Variants in CSMD1 observed in about 807,000 individuals in gnomAD.
CSMD1 encodes the protein CUB and sushi domain-containing protein 1.
CSMD1 carries 213 observed loss-of-function variants against 417.5 expected under a neutral mutation model. That is an observed-to-expected ratio of 0.51 (90% confidence interval 0.46 to 0.57). CSMD1 has a LOEUF of 0.57. Ranked by LOEUF, CSMD1 falls within the 20% of genes least tolerant of loss-of-function variation. The pLI is 0.00. For missense variants in CSMD1, 6,923 were observed against 4,529.7 expected (o/e 1.53, Z -15.17); for synonymous variants, 2,862 against 1,736.8 (o/e 1.65, Z -16.11).
intron 2 of CSMD1, among the ~76,000 whole-genome samples, chr8:4,505,418 A>G (rs1802467230): frequency 6.6e-6 from 1 of 152,186 alleles, no homozygotes; most frequent in African/African-American, 2.4e-5. Flanking sequence ...AATCAATAAA[A>G]CTTTGAAACA....
chr8:3,305,377 C>T (rs1361635066), intron 25 of CSMD1, among the ~76,000 whole-genome samples: 1 of 152,046 alleles, frequency 6.6e-6, no homozygotes, highest in African/African-American at 2.4e-5. Context: ...TCCACCAAAA[C>T]TCATGTTGAA....
intron 5 of CSMD1, among the ~76,000 whole-genome samples, chr8:3,946,024 C>A (rs1353600027): frequency 3.3e-5 from 5 of 152,096 alleles, no homozygotes; most frequent in Non-Finnish European, 7.4e-5. Flanking sequence ...TCATAACATT[C>A]TACGATGTAG....
At chr8:3,924,145 A>G (rs1192973889) in intron 5 of CSMD1, among the ~76,000 whole-genome samples, 1 of 152,204 alleles carries the variant, frequency 6.6e-6, no homozygotes, top group Non-Finnish European at 1.5e-5. Context: ...TTTATGAAGG[A>G]CAGTTTCTCT....
intron 3 of CSMD1, among the ~76,000 whole-genome samples, chr8:4,375,799 T>C (rs1287268425): frequency 6.6e-6 from 1 of 152,194 alleles, no homozygotes; most frequent in African/African-American, 2.4e-5. Context: ...ACCATCCTCA[T>C]ACATTTTTTA....
At chr8:3,968,356 A>C (rs1812835266) in intron 5 of CSMD1, among the ~76,000 whole-genome samples, 1 of 152,126 alleles carries the variant, frequency 6.6e-6, no homozygotes, top group African/African-American at 2.4e-5. Context: ...ATCCTACAAG[A>C]ATCCAACCTG....
chr8:3,307,431 C>T (rs1804961385), intron 25 of CSMD1, among the ~76,000 whole-genome samples: 1 of 151,952 alleles, frequency 6.6e-6, no homozygotes, highest in African/African-American at 2.4e-5. Context: ...TTTTCAGCTA[C>T]TAAATTTGGG....
At chr8:4,629,417 A>G (rs570987852) in intron 2 of CSMD1, among the ~76,000 whole-genome samples, 16 of 152,296 alleles carry the variant, frequency 1.1e-4, no homozygotes, top group African/African-American at 3.6e-4. Context: ...GCACAAATGT[A>G]TTGTATTTGG....
At chr8:3,366,035 G>A (rs1809544819) in intron 20 of CSMD1, among the ~76,000 whole-genome samples, 1 of 152,152 alleles carries the variant, frequency 6.6e-6, no homozygotes, top group Non-Finnish European at 1.5e-5. Context: ...AAGTTATTAA[G>A]GAATTTATGA....
intron 3 of CSMD1, among the ~76,000 whole-genome samples, chr8:4,150,392 A>T (rs1294636373): frequency 6.6e-6 from 1 of 152,136 alleles, no homozygotes; most frequent in Non-Finnish European, 1.5e-5. Context: ...CTACCTTTGG[A>T]AGTAATGTGG....
At chr8:4,519,383 A>G (rs1296040224) in intron 2 of CSMD1, among the ~76,000 whole-genome samples, 1 of 152,186 alleles carries the variant, frequency 6.6e-6, no homozygotes, top group Admixed American at 6.5e-5. Context: ...AAAAGTAAAC[A>G]TAAAAATAAA....
At chr8:3,330,116 G>T (rs1806796053) in intron 23 of CSMD1, among the ~76,000 whole-genome samples, 1 of 152,134 alleles carries the variant, frequency 6.6e-6, no homozygotes, top group South Asian at 2.1e-4. Flanking sequence ...GTAGTGGGTA[G>T]AGAGCCCTGC....
chr8:4,652,446 G>A (rs893528367), intron 1 of CSMD1, among the ~76,000 whole-genome samples: 14 of 151,942 alleles, frequency 9.2e-5, no homozygotes, highest in East Asian at 1.9e-4. Context: ...AGAGACAAGC[G>A]GGGTCAGTGC....
intron 2 of CSMD1, among the ~76,000 whole-genome samples, chr8:4,578,328 G>T (rs1474790099): frequency 1.1e-5 from 1 of 87,196 alleles, no homozygotes; most frequent in South Asian, 3.6e-4. Context: ...ACGACACCCG[G>T]CTCATTTTTT....
rs1332124063 is a variant in CSMD1, at chr8:3,790,324, T to C, written c.819-36282A>G. ...TGTAGCTACTGGCTGTAACTTCAAATGTATAATGATGGTGATGGTGATGAT... is the reference window on the plus strand; with the variant it reads ...TGTAGCTACTGGCTGTAACTTCAAACGTATAATGATGGTGATGGTGATGAT... On this transcript the variant is annotated intron_variant, in intron 5 of 69. Transcript: ENST00000635120. 3.3e-5 allele frequency among the ~76,000 whole-genome samples: 5 copies of C among 152,242 alleles called. No homozygotes were observed. In the East Asian group the frequency reaches 9.6e-4, roughly 29 times the overall value.
chr8:3,138,061 A>G (rs769767429), intron 41 of CSMD1, among the ~76,000 whole-genome samples: 2 of 151,812 alleles, frequency 1.3e-5, no homozygotes, highest in Non-Finnish European at 2.9e-5. Context: ...CCCTGTCTCT[A>G]CTAAAAATAA....
At chr8:4,274,258 ACTT>A (rs749375609) in intron 3 of CSMD1, among the ~76,000 whole-genome samples, 12 of 152,274 alleles carry the variant, frequency 7.9e-5, no homozygotes, top group Admixed American at 5.2e-4. Flanking sequence ...TTAACACTAT[ACTT>A]CTTCTAGCTG....
At chr8:4,979,491 G>A (rs1483893559) in intron 1 of CSMD1, among the ~76,000 whole-genome samples, 1 of 152,180 alleles carries the variant, frequency 6.6e-6, no homozygotes, top group East Asian at 1.9e-4. Context: ...GTGTGTGAAA[G>A]CTAAGGGAAA....
intron 1 of CSMD1, among the ~76,000 whole-genome samples, chr8:4,938,020 C>T (rs1585367478): frequency 6.6e-6 from 1 of 152,004 alleles, no homozygotes; most frequent in African/African-American, 2.4e-5. Flanking sequence ...AATCTTTGTA[C>T]TCAAAAATAG....
chr8:4,136,417 T>C (rs1455494704), intron 3 of CSMD1, among the ~76,000 whole-genome samples: 1 of 152,118 alleles, frequency 6.6e-6, no homozygotes, highest in East Asian at 1.9e-4. Flanking sequence ...ATAAATAACA[T>C]AAAACTGGTT....
Sources: gnomAD v4.1 joint callset for allele counts (sites outside exome capture counted in the v4.1 genomes callset) on GRCh38, gnomAD v4.1.1 for gene constraint, MANE v1.5 for transcripts, NCBI Gene and HGNC (gene_info 2026-07-23, HGNC 2026-07-21) for gene names.